Variants in RGPD8 observed in about 807,000 individuals in gnomAD.
RGPD8 encodes the protein RANBP2-like and GRIP domain-containing protein 8.
Under a neutral mutation model 89.1 loss-of-function variants are expected in RGPD8, and 15 were observed. The observed-to-expected ratio is 0.17, with a 90% CI of 0.11 to 0.26. The LOEUF is 0.26. Ranked by LOEUF, RGPD8 falls within the 10% of genes least tolerant of loss-of-function variation. The pLI is 1.00. For missense variants in RGPD8, 178 were observed against 1,179.6 expected (o/e 0.15, Z 12.44); for synonymous variants, 62 against 420.9 (o/e 0.15, Z 10.44).
intron 1 of RGPD8, among the ~76,000 whole-genome samples, chr2:112,431,642 T>G (rs1334163361): frequency 3.9e-5 from 5 of 129,690 alleles, no homozygotes; most frequent in South Asian, 2.4e-4. Context: ...GAGTTTCTGG[T>G]TTTTTTTTTT....
intron 1 of RGPD8, among the ~76,000 whole-genome samples, chr2:112,432,377 G>A (rs1334863668): frequency 2.6e-5 from 4 of 151,950 alleles, no homozygotes; most frequent in Admixed American, 6.6e-5. Context: ...TGTTCCGGGC[G>A]GGGAGGGGGG....
chr2:112,410,850 C>T (rs1324413599), intron 7 of RGPD8, among the ~76,000 whole-genome samples: 1 of 152,292 alleles, frequency 6.6e-6, no homozygotes, highest in Non-Finnish European at 1.5e-5. Flanking sequence ...CTTTGAGAGG[C>T]CGAGACGCGC....
Position 112,370,356 on chromosome 2 carries a change from G to A in RGPD8, c.5264-144C>T, listed in dbSNP as rs1377449327. The A allele has an allele frequency of 2.1e-5, 10 of 474,316 alleles. No homozygotes were observed. In the East Asian group the frequency reaches 6.3e-4, roughly 30 times the overall value. The allele number at this position is 474,316 out of a possible 1,614,324, so 29.4% of individuals were successfully genotyped here. On this transcript the variant is annotated intron_variant, in intron 22 of 22. Coordinates refer to ENST00000302558, the MANE Select transcript of RGPD8 (RefSeq NM_001164463.1). ...TCACATGCCTTTTTTGGTGGGGGGG[G>A]GGGTTCTTTTTTTTTTTTTTTTTTT... is the stretch of plus-strand genomic sequence containing the variant.
intron 19 of RGPD8, among the ~76,000 whole-genome samples, chr2:112,390,544 T>C (rs1678658332): frequency 7.0e-6 from 1 of 143,776 alleles, no homozygotes; most frequent in Non-Finnish European, 1.5e-5. Context: ...TTGCCTGTGG[T>C]CAAAATAAGC....
intron 9 of RGPD8, among the ~76,000 whole-genome samples, chr2:112,402,673 CT>C (rs1245843336): frequency 2.7e-5 from 3 of 110,398 alleles, no homozygotes. Flanking sequence ...AATGAAGACA[CT>C]TTTTGTTGAA....
intron 1 of RGPD8, among the ~76,000 whole-genome samples, chr2:112,430,644 CTTTT>C (rs60900008): frequency 7.7e-6 from 1 of 130,694 alleles, no homozygotes; most frequent in African/African-American, 2.8e-5. Flanking sequence ...TCTAAGGTTG[CTTTT>C]TTTTTTTTTT....
At chr2:112,380,635 A>AGAG (rs1323534336) in intron 21 of RGPD8, among the ~76,000 whole-genome samples, 189 bp downstream of exon 21, 33 of 139,128 alleles carry the variant, frequency 2.4e-4, no homozygotes, top group Non-Finnish European at 3.6e-4. Flanking sequence ...CCTGGGTGAC[A>AGAG]GAGCAAGACT....
At chr2:112,370,693 T>C (rs2104755904) in intron 22 of RGPD8, among the ~76,000 whole-genome samples, 1 of 132,662 alleles carries the variant, frequency 7.5e-6, no homozygotes, top group East Asian at 2.1e-4. Context: ...TTAGACACAC[T>C]GCTTACTAAA....
rs1466796333 is a variant in RGPD8 at position 112,422,548 on chromosome 2, C to T, written c.252G>A (p.Arg84=). 4.2e-5 allele frequency: 68 copies of T among 1,610,172 alleles called. No individual in the cohort carries two copies. In the East Asian group the frequency reaches 1.5e-3, roughly 36 times the overall value. Residue 84 remains arginine (R), a splice_region_variant and synonymous_variant, in exon 3 of 23, where the codon AGG becomes AGA. Transcript: ENST00000302558. ...ENTEKAVECY[R]RSVELNPTQK... is the part of the protein sequence containing the mutation. ...GCTATATTTGAATCCTATAACTTAC[C>T]CTGTAACATTCAACGGCTTTCTCTG...
At chr2:112,387,760 C>G (rs62157471) in intron 20 of RGPD8, among the ~76,000 whole-genome samples, 3,875 of 145,464 alleles carry the variant, frequency 0.027, 507 homozygotes, top group Non-Finnish European at 0.039. Context: ...AAGCATGACT[C>G]CGTACACTGT....
At position 112,369,999 on chromosome 2, in the gene RGPD8, A is replaced by C; in HGVS notation, c.*179T>G. On this transcript the variant is annotated 3_prime_UTR_variant, in exon 23 of 23. Coordinates refer to ENST00000302558, the MANE Select transcript of RGPD8 (RefSeq NM_001164463.1). ...TTTTACTTCAAGTTGAAACTTTTAA[A>C]ATACATCTGTCATACAGATGTACAA... 1 of 347,490 alleles carries C rather than the reference A, an allele frequency of 2.9e-6. No individual in the cohort carries two copies. Among genetic ancestry groups the C allele is most frequent in the South Asian group, 3.2e-5 (1 of 31,408 alleles). The allele number at this position is 347,490 out of a possible 1,614,324, so 21.5% of individuals were successfully genotyped here.
intron 1 of RGPD8, among the ~76,000 whole-genome samples, chr2:112,428,216 T>C (rs1172973071): frequency 6.6e-6 from 1 of 152,192 alleles, no homozygotes; most frequent in African/African-American, 2.4e-5. Flanking sequence ...TAAGTAAAGA[T>C]GTTTTAAAGA....
rs560324361 is a variant in RGPD8, at chr2:112,432,666, A to G, written c.72+716T>C. The G allele has an allele frequency of 3.0e-6, 3 of 985,294 alleles. No individual in the cohort carries two copies. In the African/African-American group the frequency reaches 5.2e-5, roughly 17 times the overall value. The allele number at this position is 985,294 out of a possible 1,614,324, so 61.0% of individuals were successfully genotyped here. ...AGGACATGGGAAGAAACCCGCCGATACAGCACCCGGGTGCCCAAGCCCCCG... is the reference window on the plus strand; with the variant it reads ...AGGACATGGGAAGAAACCCGCCGATGCAGCACCCGGGTGCCCAAGCCCCCG... On this transcript the variant is annotated intron_variant, in intron 1 of 22. Transcript: ENST00000302558.
intron 1 of RGPD8, among the ~76,000 whole-genome samples, chr2:112,432,939 ACC>A (rs1207793168): frequency 3.3e-4 from 48 of 144,316 alleles, no homozygotes; most frequent in African/African-American, 1.0e-3. Flanking sequence ...ATGACCCCTG[ACC>A]CATCGAGGCC....
chr2:112,408,837 A>T (rs1196883642), intron 7 of RGPD8, among the ~76,000 whole-genome samples: 2 of 151,892 alleles, frequency 1.3e-5, no homozygotes, highest in African/African-American at 4.9e-5. Context: ...ATGCGTGGCT[A>T]ATTTTTGTAT....
In RGPD8 at chr2:112,433,618, G is replaced by A. The variant is rs1436941404; in HGVS notation, c.-165C>T. On this transcript the variant is annotated 5_prime_UTR_variant, in exon 1 of 23. Transcript: ENST00000302558. ...GCCGCCCACGGAGGCCCACTGTGAC[G>A]AACCTGCGTTCTGCCTCAGCACTGT... is the stretch of plus-strand genomic sequence containing the variant. The A allele has an allele frequency of 5.1e-6, 4 of 781,256 alleles. No individual in the cohort carries two copies. In the African/African-American group the frequency reaches 5.2e-5, roughly 10 times the overall value. The allele number at this position is 781,256 out of a possible 1,614,324, so 48.4% of individuals were successfully genotyped here.
rs1488951853 is a variant in RGPD8, at chr2:112,377,436, G to A, written c.5263+617C>T. Reference sequence around the variant, plus strand: ...TGGGACTACAGGCGCATGCCACCACGTCCAGCTAATTTTTGTATTTTTAGT... The same window carrying A: ...TGGGACTACAGGCGCATGCCACCACATCCAGCTAATTTTTGTATTTTTAGT... On this transcript the variant is annotated intron_variant, in intron 22 of 22. Coordinates refer to ENST00000302558, the MANE Select transcript of RGPD8 (RefSeq NM_001164463.1). Among the ~76,000 whole-genome samples the A allele has an allele frequency of 3.9e-4, 43 of 109,202 alleles. 7 individuals carry two copies. The highest frequency in any genetic ancestry group is 2.6e-3 in the Admixed American group (28 of 10,582). The allele number at this position is 109,202 out of a possible 152,430, so 71.6% of individuals were successfully genotyped here.
chr2:112,423,662 C>G (rs1425055535), intron 2 of RGPD8, among the ~76,000 whole-genome samples: 10 of 146,186 alleles, frequency 6.8e-5, no homozygotes, highest in African/African-American at 2.3e-4. Context: ...AAAGATGGAG[C>G]CAGCTGCTGC....
At position 112,433,463 on chromosome 2, in the gene RGPD8, A is replaced by G. The variant is rs557691008; in HGVS notation, c.-10T>C. The G allele has an allele frequency of 9.3e-6, 15 of 1,606,972 alleles. No homozygotes were observed. The East Asian group carries it at 2.9e-4, about 31-fold the overall frequency. On this transcript the variant is annotated 5_prime_UTR_variant, in exon 1 of 23. Transcript: ENST00000302558. ...CCTTGCTGCGCCTCATCGCGCCGCC[A>G]ACCTGGCTCCCGAGACGCGTGCGAG...
Sources: allele counts gnomAD v4.1 joint callset (sites outside exome capture counted in the v4.1 genomes callset), GRCh38; gene constraint gnomAD v4.1.1; transcripts MANE v1.5; gene names NCBI Gene and HGNC (gene_info 2026-07-23, HGNC 2026-07-21).